The following RNLS variants were observed in gnomAD, a reference collection of about 807,000 sequenced individuals.
RNLS encodes renalase.
A neutral mutation model predicts 39.8 loss-of-function variants in RNLS; 39 were observed. The ratio of observed to expected loss-of-function variants is 0.98; its 90% CI spans 0.76 to 1.28. RNLS has a LOEUF of 1.28. RNLS is among the 50% of genes most tolerant of loss of function. RNLS has a pLI of 0.00. For synonymous variants in RNLS, 147 were observed against 150.7 expected (o/e 0.98, Z 0.18); for missense variants, 410 against 413.3 (o/e 0.99, Z 0.07).
chr10:88,478,912 T>A (rs560062030), intron 4 of RNLS, among the ~76,000 whole-genome samples: 1 of 152,040 alleles, frequency 6.6e-6, no homozygotes, highest in South Asian at 2.1e-4. Flanking sequence ...TCTTTCTCTC[T>A]CTCTCTCTTT....
chr10:88,347,380 G>A (rs1017050593), intron 5 of RNLS, among the ~76,000 whole-genome samples: 2 of 152,106 alleles, frequency 1.3e-5, no homozygotes, highest in Non-Finnish European at 2.9e-5. Context: ...TTGACATGGT[G>A]CAGGTATTAT....
At chr10:88,562,651 T>A (rs1020915927) in intron 4 of RNLS, among the ~76,000 whole-genome samples, 2 of 151,902 alleles carry the variant, frequency 1.3e-5, no homozygotes, top group Admixed American at 6.6e-5. Context: ...AGATACTTGA[T>A]AAAACCAGCA....
intron 4 of RNLS, among the ~76,000 whole-genome samples, chr10:88,568,727 G>A (rs1849657274): frequency 6.6e-6 from 1 of 152,138 alleles, no homozygotes; most frequent in Admixed American, 6.6e-5. Flanking sequence ...GTTTGGACAG[G>A]CTGATGCTTT....
chr10:88,426,130 T>A (rs1013954066), intron 4 of RNLS, among the ~76,000 whole-genome samples: 2 of 152,094 alleles, frequency 1.3e-5, no homozygotes, highest in Admixed American at 1.3e-4. Flanking sequence ...TATTAGGTGC[T>A]GTAGACACAA....
chr10:88,465,050 G>A (rs4934412), intron 4 of RNLS, among the ~76,000 whole-genome samples: 6,698 of 152,150 alleles, frequency 0.044, 199 homozygotes, highest in Middle Eastern at 0.075. Flanking sequence ...CAGTGCTCAC[G>A]ATATAGGCTG....
In RNLS at chr10:88,553,402, T is replaced by A. The variant is rs553461346; in HGVS notation, c.526+19501A>T. Among the ~76,000 whole-genome samples the A allele has an allele frequency of 1.4e-4, 22 of 152,250 alleles. No homozygotes were observed. The South Asian group carries it at 4.6e-3, about 32-fold the overall frequency. The stretch of plus-strand genomic sequence containing the variant: ...TGTCCTGCAGTCTGAGAGTTCCAGG[T>A]CCCCACTTGGCCTCAATAGAAGGTT... On this transcript the variant is annotated intron_variant, in intron 4 of 6. Transcript: ENST00000331772.
intron 5 of RNLS, among the ~76,000 whole-genome samples, chr10:88,358,157 T>A (rs915790303): frequency 1.3e-5 from 2 of 152,234 alleles, no homozygotes; most frequent in Admixed American, 6.5e-5. Flanking sequence ...GTTAATATGA[T>A]AAACACCTTA....
intron 4 of RNLS, among the ~76,000 whole-genome samples, chr10:88,422,875 C>T (rs1022066206): frequency 7.9e-5 from 12 of 151,886 alleles, no homozygotes; most frequent in African/African-American, 2.7e-4. Flanking sequence ...GCAATCCTCC[C>T]GCCTCAGCCT....
the RNLS span, among the ~76,000 whole-genome samples, chr10:88,201,439 T>TGGA: frequency 6.6e-5 from 10 of 152,260 alleles, no homozygotes; most frequent in African/African-American, 2.4e-4. Context: ...AACACTGAGG[T>TGGA]TCCATGGTAA....
At chr10:88,298,794 T>C (rs1266056026) in intron 6 of RNLS, among the ~76,000 whole-genome samples, 1 of 152,094 alleles carries the variant, frequency 6.6e-6, no homozygotes, top group Non-Finnish European at 1.5e-5. Flanking sequence ...TTTTTCAAGA[T>C]TGTTTTGGCT....
intron 4 of RNLS, among the ~76,000 whole-genome samples, chr10:88,494,290 T>G (rs991744896): frequency 6.6e-6 from 1 of 152,128 alleles, no homozygotes; most frequent in Non-Finnish European, 1.5e-5. Context: ...TTCACTTCCT[T>G]AATAATCAGC....
chr10:88,334,302 G>A (rs1847328161), intron 5 of RNLS, among the ~76,000 whole-genome samples: 2 of 152,284 alleles, frequency 1.3e-5, no homozygotes, highest in Admixed American at 1.3e-4. Flanking sequence ...AGTTATGTAT[G>A]AGTGTGGCAT....
At chr10:88,380,119 G>A (rs575144602) in intron 4 of RNLS, among the ~76,000 whole-genome samples, 16 of 152,220 alleles carry the variant, frequency 1.1e-4, no homozygotes, top group African/African-American at 2.2e-4. Context: ...TTGCAACAAC[G>A]AAGGAGGTTG....
intron 6 of RNLS, among the ~76,000 whole-genome samples, chr10:88,277,687 A>G (rs925396603): frequency 2.6e-5 from 4 of 152,154 alleles, no homozygotes; most frequent in Non-Finnish European, 4.4e-5. Context: ...ATTTGTAACC[A>G]CTTTGCCTTC....
chr10:88,386,515 G>T (rs756137836), intron 4 of RNLS, among the ~76,000 whole-genome samples: 89 of 152,282 alleles, frequency 5.8e-4, no homozygotes, highest in Admixed American at 1.0e-3. Context: ...GGTTTCAAAG[G>T]TTATGAGAAA....
chr10:88,350,764 G>A (rs1564718604), intron 5 of RNLS, among the ~76,000 whole-genome samples: 1 of 152,152 alleles, frequency 6.6e-6, no homozygotes, highest in African/African-American at 2.4e-5. Context: ...GGTTGGCTGG[G>A]TCAAATGGTA....
chr10:88,506,872 T>G (rs1028771202), intron 4 of RNLS, among the ~76,000 whole-genome samples: 4 of 152,304 alleles, frequency 2.6e-5, no homozygotes, highest in African/African-American at 9.6e-5. Flanking sequence ...GCTCCACCAC[T>G]GAAGTGGCAG....
chr10:88,509,553 G>A (rs2765441), intron 4 of RNLS, among the ~76,000 whole-genome samples: 52,115 of 150,712 alleles, frequency 0.35, 9,479 homozygotes, highest in East Asian at 0.54. Context: ...TCTGAAGAAA[G>A]ATTAAAATAT....
intron 4 of RNLS, among the ~76,000 whole-genome samples, chr10:88,460,646 A>T (rs1290351404): frequency 6.6e-6 from 1 of 152,190 alleles, no homozygotes; most frequent in Non-Finnish European, 1.5e-5. Flanking sequence ...AGTGCCTGGC[A>T]TATAGTGCTA....
Sources: allele counts gnomAD v4.1 joint callset (sites outside exome capture counted in the v4.1 genomes callset), GRCh38; gene constraint gnomAD v4.1.1; transcripts MANE v1.5; gene names NCBI Gene and HGNC (gene_info 2026-07-23, HGNC 2026-07-21).